ADGRL3: variants seen among roughly 807,000 people sequenced by gnomAD.
ADGRL3 encodes calcium-independent alpha-latrotoxin receptor 3.
ADGRL3 carries 62 observed loss-of-function variants against 153.5 expected under a neutral mutation model. The ratio of observed to expected loss-of-function variants is 0.40; its 90% CI spans 0.33 to 0.50. The LOEUF is 0.50. Among genes scored for constraint, ADGRL3 ranks in the 20% least tolerant of loss-of-function variants. The pLI is 0.47. For missense variants in ADGRL3, 1,641 were observed against 1,859.4 expected (o/e 0.88, Z 2.16); for synonymous variants, 710 against 672.5 (o/e 1.06, Z -0.86).
At chr4:61,518,699 T>C (rs2098512352) in intron 4 of ADGRL3, among the ~76,000 whole-genome samples, 1 of 152,102 alleles carries the variant, frequency 6.6e-6, no homozygotes, top group African/African-American at 2.4e-5. Flanking sequence ...TTCTGCCTTG[T>C]AGTGGTGGTT....
chr4:61,211,502 A>C (rs878871744), intron 1 of ADGRL3: 2 of 152,338 alleles, frequency 1.3e-5, no homozygotes, highest in Non-Finnish European at 2.9e-5. Context: ...TAAGAGAGGG[A>C]TGTTGTTCAC....
At chr4:61,461,511 A>G (rs574232776) in intron 2 of ADGRL3, among the ~76,000 whole-genome samples, 2 of 152,326 alleles carry the variant, frequency 1.3e-5, no homozygotes, top group East Asian at 1.9e-4. Context: ...ATTATTTTGT[A>G]TCAATAAATA....
chr4:61,837,835 A>G (rs564154060), intron 9 of ADGRL3, among the ~76,000 whole-genome samples: 1 of 152,214 alleles, frequency 6.6e-6, no homozygotes, highest in South Asian at 2.1e-4. Context: ...AAACAATTAC[A>G]CGCTGTTGTC....
intron 1 of ADGRL3, among the ~76,000 whole-genome samples, chr4:61,276,475 G>T (rs958961178): frequency 6.6e-6 from 1 of 152,110 alleles, no homozygotes; most frequent in Non-Finnish European, 1.5e-5. Flanking sequence ...CGATTTTACA[G>T]ATTTTGATCA....
chr4:61,376,905 C>G (rs1311909325), intron 1 of ADGRL3, among the ~76,000 whole-genome samples: 1 of 152,012 alleles, frequency 6.6e-6, no homozygotes, highest in Non-Finnish European at 1.5e-5. Context: ...GCTGTGGGAG[C>G]TTTGGGTAGC....
chr4:61,296,499 A>G (rs1283248190), intron 1 of ADGRL3, among the ~76,000 whole-genome samples: 1 of 152,238 alleles, frequency 6.6e-6, no homozygotes, highest in Non-Finnish European at 1.5e-5. Context: ...AAAAATCAGC[A>G]GTTGCCTTGC....
intron 5 of ADGRL3, among the ~76,000 whole-genome samples, chr4:61,647,400 G>T (rs11731846): frequency 0.17 from 25,586 of 152,074 alleles, 2,586 homozygotes; most frequent in Non-Finnish European, 0.23. Context: ...ATCTTAGAAA[G>T]ACAGTAGAAC....
chr4:61,652,549 A>G (rs1004098125), intron 5 of ADGRL3, among the ~76,000 whole-genome samples: 2 of 152,198 alleles, frequency 1.3e-5, no homozygotes, highest in Non-Finnish European at 2.9e-5. Flanking sequence ...AATATTTACT[A>G]TCTGAACTTT....
At chr4:61,354,570 T>TTGTGTGTG (rs1304906195) in intron 1 of ADGRL3, among the ~76,000 whole-genome samples, 1 of 93,066 alleles carries the variant, frequency 1.1e-5, no homozygotes, top group Non-Finnish European at 2.4e-5. Flanking sequence ...TGATAAGACT[T>TTGTGTGTG]TGTCTGTGTG....
rs369551460 is a variant in ADGRL3 at position 61,576,870 on chromosome 4, G to A, written c.260-10357G>A. On this transcript the variant is annotated intron_variant, in intron 4 of 26. Coordinates refer to ENST00000683033, the MANE Select transcript of ADGRL3 (RefSeq NM_001387552.1). ...ATTGGTCTAATCTCAGGTGGATTACGTAGACAGCAATTGTCCAATTCTGAA... is the reference window on the plus strand; with the variant it reads ...ATTGGTCTAATCTCAGGTGGATTACATAGACAGCAATTGTCCAATTCTGAA... Among the ~76,000 whole-genome samples, 26 of 151,854 alleles carry A rather than the reference G, an allele frequency of 1.7e-4. 1 individual carries two copies. The highest frequency in any genetic ancestry group is 6.0e-4 in the African/African-American group (25 of 41,446).
At chr4:61,310,134 T>C (rs1027888833) in intron 1 of ADGRL3, among the ~76,000 whole-genome samples, 1 of 151,494 alleles carries the variant, frequency 6.6e-6, no homozygotes, top group African/African-American at 2.4e-5. Context: ...CCAGATAGTC[T>C]CTCTTGATGC....
intron 5 of ADGRL3, among the ~76,000 whole-genome samples, chr4:61,642,619 A>C (rs1376394994): frequency 6.6e-6 from 1 of 152,074 alleles, no homozygotes; most frequent in African/African-American, 2.4e-5. Context: ...GTTATTTCTG[A>C]GGGCTCTGTT....
chr4:61,895,643 A>G, intron 10 of ADGRL3, 88 bp from the exon 11 acceptor site: 1 of 686,268 alleles, frequency 1.5e-6, no homozygotes, highest in Non-Finnish European at 2.5e-6. Flanking sequence ...TAATTATCTC[A>G]TTTTTACCTT....
At chr4:61,337,769 A>T (rs1357108988) in intron 1 of ADGRL3, among the ~76,000 whole-genome samples, 11 of 152,056 alleles carry the variant, frequency 7.2e-5, no homozygotes, top group Non-Finnish European at 1.6e-4. Flanking sequence ...TCCTTTAAAG[A>T]TTCTTTGGCT....
chr4:61,859,163 G>A (rs1484475334), intron 9 of ADGRL3, among the ~76,000 whole-genome samples: 2 of 152,150 alleles, frequency 1.3e-5, no homozygotes, highest in African/African-American at 4.8e-5. Flanking sequence ...TGTACCACCT[G>A]AAATAGAGCT....
At chr4:62,026,894 C>T (rs1321973365) in intron 21 of ADGRL3, among the ~76,000 whole-genome samples, 1 of 152,034 alleles carries the variant, frequency 6.6e-6, no homozygotes, top group Admixed American at 6.6e-5. Context: ...TTACTATCTA[C>T]ATGTATCCCA....
chr4:61,657,191 A>T (rs1226676250), intron 5 of ADGRL3, among the ~76,000 whole-genome samples: 2 of 152,100 alleles, frequency 1.3e-5, no homozygotes. Flanking sequence ...CTTGCTTCCA[A>T]CTGAGAATCC....
intron 23 of ADGRL3, among the ~76,000 whole-genome samples, chr4:62,036,470 T>A (rs1222404346): frequency 6.6e-6 from 1 of 152,124 alleles, no homozygotes; most frequent in Admixed American, 6.6e-5. Context: ...AAGCACTCAA[T>A]AAATGTGAGT....
intron 8 of ADGRL3, among the ~76,000 whole-genome samples, chr4:61,771,925 A>G (rs1183747042): frequency 1.3e-5 from 2 of 152,190 alleles, no homozygotes; most frequent in Non-Finnish European, 2.9e-5. Context: ...TCATGCCAGT[A>G]GGATATCAGC....
Sources: allele counts gnomAD v4.1 joint callset (sites outside exome capture counted in the v4.1 genomes callset), GRCh38; gene constraint gnomAD v4.1.1; transcripts MANE v1.5; gene names NCBI Gene and HGNC (gene_info 2026-07-23, HGNC 2026-07-21).